Variants in ZBTB20 observed in about 807,000 individuals in gnomAD.
ZBTB20 encodes zinc finger and BTB domain-containing protein 20.
A neutral mutation model predicts 56.9 loss-of-function variants in ZBTB20; 9 were observed. The ratio of observed to expected loss-of-function variants is 0.16; its 90% CI spans 0.10 to 0.28. The LOEUF is 0.28. Ranked by LOEUF, ZBTB20 falls within the 10% of genes least tolerant of loss-of-function variation. The pLI is 1.00. For missense variants in ZBTB20, 655 were observed against 1,003.0 expected (o/e 0.65, Z 4.69); for synonymous variants, 417 against 420.7 (o/e 0.99, Z 0.11).
At chr3:114,935,991 A>G (rs1353856211) in intron 3 of ZBTB20, among the ~76,000 whole-genome samples, 1 of 152,216 alleles carries the variant, frequency 6.6e-6, no homozygotes, top group African/African-American at 2.4e-5. Context: ...TAAATTTACA[A>G]TAAATGGCTT....
chr3:114,369,696 T>C (rs1654287239), intron 10 of ZBTB20, among the ~76,000 whole-genome samples: 1 of 152,128 alleles, frequency 6.6e-6, no homozygotes, highest in Non-Finnish European at 1.5e-5. Flanking sequence ...AATAATGAAT[T>C]TGAGGATGTC....
chr3:114,788,908 A>T (rs921319753), intron 5 of ZBTB20, among the ~76,000 whole-genome samples: 1 of 152,108 alleles, frequency 6.6e-6, no homozygotes, highest in Non-Finnish European at 1.5e-5. Context: ...GTGTAGGGGA[A>T]CTACTCTTTA....
intron 3 of ZBTB20, among the ~76,000 whole-genome samples, chr3:114,909,839 A>G (rs972702147): frequency 3.3e-5 from 5 of 152,060 alleles, no homozygotes; most frequent in African/African-American, 1.2e-4. Context: ...TTAAGTTAAT[A>G]TGCTAAAAAG....
At chr3:114,644,254 G>A (rs1049584439) in intron 6 of ZBTB20, among the ~76,000 whole-genome samples, 5 of 151,950 alleles carry the variant, frequency 3.3e-5, no homozygotes, top group Non-Finnish European at 7.4e-5. Context: ...ATATATTATT[G>A]TAAAAAATTA....
chr3:114,719,235 C>T (rs926111756), intron 5 of ZBTB20, among the ~76,000 whole-genome samples: 6 of 151,756 alleles, frequency 4.0e-5, no homozygotes, highest in African/African-American at 4.8e-5. Flanking sequence ...AGGACACCTG[C>T]TGCTTATCAT....
At chr3:114,477,597 G>A (rs531469355) in intron 7 of ZBTB20, among the ~76,000 whole-genome samples, 1 of 148,574 alleles carries the variant, frequency 6.7e-6, no homozygotes, top group African/African-American at 2.5e-5. Context: ...CTCGGTTCAA[G>A]CGATTCTCCT....
At chr3:115,052,639 C>T (rs192310623) in intron 2 of ZBTB20, among the ~76,000 whole-genome samples, 7 of 152,210 alleles carry the variant, frequency 4.6e-5, no homozygotes, top group Admixed American at 4.6e-4. Context: ...GTTTTCATTC[C>T]TATCACTGAT....
intron 4 of ZBTB20, among the ~76,000 whole-genome samples, chr3:114,864,015 G>T (rs2075654293): frequency 6.6e-6 from 1 of 151,820 alleles, no homozygotes; most frequent in African/African-American, 2.4e-5. Flanking sequence ...TCTTGGCAAA[G>T]GAAGAAAAGA....
At chr3:114,408,499 A>C (rs1410696258) in intron 7 of ZBTB20, among the ~76,000 whole-genome samples, 1 of 152,070 alleles carries the variant, frequency 6.6e-6, no homozygotes, top group Non-Finnish European at 1.5e-5. Context: ...ACAAGTCCTC[A>C]TACCCTCCCT....
chr3:114,363,623 G>A (rs891447554), intron 10 of ZBTB20, among the ~76,000 whole-genome samples: 2 of 152,076 alleles, frequency 1.3e-5, no homozygotes, highest in African/African-American at 4.8e-5. Flanking sequence ...ATGTTGTAGG[G>A]ACAAATAGAA....
rs1553778349 is a variant in ZBTB20 at position 114,315,603 on chromosome 3, G to GTGTA, written c.*23398_*23401dup. The GTGTA allele has an allele frequency of 5.9e-5, 9 of 152,156 alleles. No homozygotes were observed. Among genetic ancestry groups the GTGTA allele is most frequent in the African/African-American group, 2.2e-4 (9 of 40,714 alleles). The allele number at this position is 152,156 out of a possible 1,614,324, so 9.4% of individuals were successfully genotyped here. On this transcript the variant is annotated 3_prime_UTR_variant, in exon 12 of 12. Transcript: ENST00000675478. ...TGTGTGTGTGTGTGTGTGTGTGTGT[G>GTGTA]TGTACACAGTAGCAATTGCAAAAAA...
intron 5 of ZBTB20, among the ~76,000 whole-genome samples, chr3:114,793,050 T>A (rs1037338117): frequency 7.2e-5 from 11 of 151,916 alleles, no homozygotes; most frequent in South Asian, 2.1e-4. Flanking sequence ...TAATTTTTTT[T>A]ATATTTTTTA....
In ZBTB20 at chr3:114,329,850, TA is replaced by T. The variant is rs1200065633; in HGVS notation, c.*9154del. 6.6e-6 allele frequency: 1 copy of T among 152,038 alleles called. No homozygotes were observed. Among genetic ancestry groups the T allele is most frequent in the East Asian group, 1.9e-4 (1 of 5,182 alleles). 9.4% of individuals were successfully genotyped at this position (152,038 alleles called of 1,614,324 possible). ...AAAAGAAAGTGTAAAGATCCAGTAT[TA>T]AAATGAATGTTTGAGAATACAGTGG... On this transcript the variant is annotated 3_prime_UTR_variant, in exon 12 of 12. Coordinates refer to ENST00000675478, the MANE Select transcript of ZBTB20 (RefSeq NM_001348800.3).
At chr3:114,608,293 T>C (rs1231648631) in intron 6 of ZBTB20, among the ~76,000 whole-genome samples, 1 of 152,216 alleles carries the variant, frequency 6.6e-6, no homozygotes, top group African/African-American at 2.4e-5. Context: ...CTATGTTCTC[T>C]AAGAAATCTT....
At position 114,446,080 on chromosome 3, in the gene ZBTB20, T is replaced by C. The variant is rs530841496; in HGVS notation, c.-255+54272A>G. The stretch of plus-strand genomic sequence containing the variant: ...TATGTAGAAACAAATAAATGTATAA[T>C]AGTTTAAGTCCAGGAGTTTTTGCCT... On this transcript the variant is annotated intron_variant, in intron 7 of 11. Transcript: ENST00000675478. Among the ~76,000 whole-genome samples the C allele has an allele frequency of 2.0e-5, 3 of 152,234 alleles. No individual in the cohort carries two copies. The South Asian group carries it at 6.2e-4, about 32-fold the overall frequency.
intron 6 of ZBTB20, among the ~76,000 whole-genome samples, chr3:114,692,887 TCTTA>T (rs1216974420): frequency 2.6e-5 from 4 of 152,300 alleles, no homozygotes; most frequent in African/African-American, 9.6e-5. Context: ...GTCTTGGTCC[TCTTA>T]CTTAACTGGT....
intron 7 of ZBTB20, among the ~76,000 whole-genome samples, chr3:114,463,363 C>T (rs990891210): frequency 2.0e-5 from 3 of 152,182 alleles, no homozygotes; most frequent in African/African-American, 4.8e-5. Flanking sequence ...TCCCCCTGAA[C>T]TTACATTAAT....
intron 3 of ZBTB20, among the ~76,000 whole-genome samples, chr3:114,917,469 C>G (rs1009605366): frequency 1.3e-5 from 2 of 152,110 alleles, no homozygotes; most frequent in African/African-American, 4.8e-5. Flanking sequence ...TTATTGTAGT[C>G]TTGGCAGTCT....
At chr3:114,740,756 A>G (rs547019500) in intron 5 of ZBTB20, among the ~76,000 whole-genome samples, 3 of 152,316 alleles carry the variant, frequency 2.0e-5, no homozygotes, top group African/African-American at 7.2e-5. Context: ...ATATCTTTTG[A>G]GAATCTCTTT....
Sources: allele counts gnomAD v4.1 joint callset (sites outside exome capture counted in the v4.1 genomes callset), GRCh38; gene constraint gnomAD v4.1.1; transcripts MANE v1.5; gene names NCBI Gene and HGNC (gene_info 2026-07-23, HGNC 2026-07-21).